The following ZPLD1 variants were observed in gnomAD, a reference collection of about 807,000 sequenced individuals.
ZPLD1 encodes the protein zona pellucida-like domain-containing protein 1.
ZPLD1 carries 34 observed loss-of-function variants against 47.2 expected under a neutral mutation model. The ratio of observed to expected loss-of-function variants is 0.72; its 90% CI spans 0.55 to 0.96. The LOEUF (loss-of-function observed/expected upper bound fraction) is 0.96, where lower values mean the gene tolerates loss of function less well. Ranked by LOEUF, ZPLD1 falls within the 40% of genes least tolerant of loss-of-function variation. The probability of loss-of-function intolerance (pLI) is 0.00; values close to 1 mark genes in which losing one functional copy is unlikely to be tolerated. For synonymous variants in ZPLD1, 176 were observed against 186.2 expected, an observed-to-expected ratio of 0.95 and a Z score of 0.45; for missense variants, 512 against 505.8, an observed-to-expected ratio of 1.01 and a Z score of -0.12.
In ZPLD1 at chr3:102,469,134, C is replaced by T. The variant is rs35230466; in HGVS notation, c.932C>T (p.Pro311Leu). Residue 311 changes from proline to leucine, a missense_variant and splice_region_variant, in exon 9 of 12, where the codon CCG (proline) becomes CTG (leucine). Coordinates refer to ENST00000466937, the MANE Select transcript of ZPLD1 (RefSeq NM_001329788.2). ...CRADDCPFLM[P>L]ICSHRERRDA... ...GCAGATGACTGCCCCTTCCTTATGC[C>T]GGTATGTTTTTAAGGAACTTCATTT... The T allele has an allele frequency of 1.4e-4, 230 of 1,604,970 alleles. No individual in the cohort carries two copies. The highest frequency in any genetic ancestry group is 3.5e-5 in the Admixed American group (2 of 57,832).
intron 3 of ZPLD1, among the ~76,000 whole-genome samples, chr3:102,441,985 T>C (rs1208423927): frequency 6.6e-6 from 1 of 152,150 alleles, no homozygotes; most frequent in Non-Finnish European, 1.5e-5. Context: ...AACAGGGACA[T>C]AAGGCTACCA....
intron 4 of ZPLD1, among the ~76,000 whole-genome samples, chr3:102,453,455 A>G (rs1052937590): frequency 6.6e-6 from 1 of 152,216 alleles, no homozygotes; most frequent in Non-Finnish European, 1.5e-5. Flanking sequence ...AGGCTTTATA[A>G]GAAATATCTG....
At chr3:102,388,429 G>GTCTCTCTCTCTCTCTCTCTCTCTC (rs71781267) in intron 6 of ZPLD1, among the ~76,000 whole-genome samples, 14 of 135,984 alleles carry the variant, frequency 1.0e-4, no homozygotes, top group African/African-American at 3.3e-4. Flanking sequence ...CTCTCCTGGA[G>GTCTCTCTCTCTCTCTCTCTCTCTC]TCTCTCTCTC....
chr3:102,421,812 A>T (rs1327993148), intron 8 of ZPLD1, among the ~76,000 whole-genome samples: 2 of 151,960 alleles, frequency 1.3e-5, no homozygotes, highest in Non-Finnish European at 2.9e-5. Context: ...GACTTAAAAA[A>T]AAACTGAACC....
upstream of ZPLD1, among the ~76,000 whole-genome samples, chr3:102,434,004 G>A (rs1461450545): frequency 6.6e-6 from 1 of 152,026 alleles, no homozygotes; most frequent in Non-Finnish European, 1.5e-5. Flanking sequence ...AATTTTATTT[G>A]AAAACCTCCA....
chr3:102,434,205 G>A (rs965645768), upstream of ZPLD1, among the ~76,000 whole-genome samples: 9 of 152,134 alleles, frequency 5.9e-5, no homozygotes, highest in Non-Finnish European at 1.2e-4. Flanking sequence ...ACAGTGCCTG[G>A]TACATACAGT....
rs776881701 is a variant in ZPLD1, at chr3:102,477,543, C to T, written c.1173C>T (p.Cys391=). The T allele has an allele frequency of 8.1e-6, 13 of 1,613,692 alleles. No homozygotes were observed. In the Admixed American group the frequency reaches 1.0e-4, roughly 12 times the overall value. ...TTACGAGCTTTTCTCTTCTTCTGTG[C>T]TCACTGGCCCTTCTGCACAGGAAGG... ...LGVTSFSLLL[C]SLALLHRKGP... The change falls in exon 12 of 12, where the codon TGC becomes TGT. Residue 391 remains cysteine, a synonymous_variant. Coordinates refer to ENST00000466937, the MANE Select transcript of ZPLD1 (RefSeq NM_001329788.2).
intron 7 of ZPLD1, among the ~76,000 whole-genome samples, chr3:102,395,918 C>G (rs1489184985): frequency 1.3e-5 from 2 of 152,124 alleles, no homozygotes; most frequent in African/African-American, 4.8e-5. Flanking sequence ...ATTCTTCTGA[C>G]TTTCTTCAGG....
intron 3 of ZPLD1, among the ~76,000 whole-genome samples, chr3:102,449,551 G>A (rs1264393343): frequency 6.6e-6 from 1 of 152,198 alleles, no homozygotes; most frequent in Non-Finnish European, 1.5e-5. Context: ...TGCCCAGGAT[G>A]TGAGTCATCC....
rs557640263 is a variant in ZPLD1, at chr3:102,394,830, G to A, written c.-157+2605G>A. 2.0e-5 allele frequency among the ~76,000 whole-genome samples: 3 copies of A among 152,248 alleles called. No homozygotes were observed. The South Asian group carries it at 6.2e-4, about 32-fold the overall frequency. On this transcript the variant is annotated intron_variant, in intron 7 of 17. Transcript: ENST00000491959. ...ACAATATGGAAAGAAATTGAGAGTG[G>A]TGATGTAACCACATCTGATAAATTT...
At chr3:102,438,000 T>G (rs1707117523) in intron 2 of ZPLD1, among the ~76,000 whole-genome samples, 1 of 152,226 alleles carries the variant, frequency 6.6e-6, no homozygotes, top group South Asian at 2.1e-4. Context: ...CTGTTTTCTG[T>G]TAAGGGAAAG....
At position 102,445,949 on chromosome 3, in the gene ZPLD1, G is replaced by A. The variant is rs1031013973; in HGVS notation, c.107-6970G>A. The stretch of plus-strand genomic sequence containing the variant: ...TGAGTTGCATTTTCTCAATTTGAAG[G>A]TAGACATTAAGGATTTTGATGTTCA... On this transcript the variant is annotated intron_variant, in intron 3 of 11. Transcript: ENST00000466937. 2.2e-4 allele frequency among the ~76,000 whole-genome samples: 33 copies of A among 152,074 alleles called. 1 individual carries two copies. Among genetic ancestry groups the A allele is most frequent in the Admixed American group, 6.5e-5 (1 of 15,276 alleles).
In ZPLD1 at chr3:102,477,114, G is replaced by A. The variant is rs1707770152; in HGVS notation, c.1072+73G>A. 8 of 1,535,428 alleles carry A rather than the reference G, an allele frequency of 5.2e-6. No homozygotes were observed. In the South Asian group the frequency reaches 7.9e-5, roughly 15 times the overall value. The stretch of plus-strand genomic sequence containing the variant: ...CAGTTACAAAGCTGTAATCATCTAA[G>A]TGTAATGAGCTTGAGTTTTCCAAGT... On this transcript the variant is annotated intron_variant, in intron 11 of 11. Coordinates refer to ENST00000466937, the MANE Select transcript of ZPLD1 (RefSeq NM_001329788.2).
At chr3:102,421,545 A>T (rs1206638846) in intron 8 of ZPLD1, among the ~76,000 whole-genome samples, 1 of 151,936 alleles carries the variant, frequency 6.6e-6, no homozygotes, top group Non-Finnish European at 1.5e-5. Flanking sequence ...AATTCTAATT[A>T]GAAATCTCTT....
At chr3:102,388,096 G>A (rs1009988074) in intron 6 of ZPLD1, among the ~76,000 whole-genome samples, 6 of 151,878 alleles carry the variant, frequency 4.0e-5, no homozygotes, top group African/African-American at 1.2e-4. Flanking sequence ...TCCTGACCTC[G>A]TGATCCGCCC....
chr3:102,452,906 AT>A lies in ZPLD1; in HGVS notation c.107-8del. ...TCTGACTTATGTTTGTTTTTTATAT[AT>A]TTTTATTTCAGCTGAAAGAGACATC... On this transcript the variant is annotated splice_polypyrimidine_tract_variant and intron_variant, in intron 3 of 11. Coordinates refer to ENST00000466937, the MANE Select transcript of ZPLD1 (RefSeq NM_001329788.2). 2 of 1,610,360 alleles carry A rather than the reference AT, an allele frequency of 1.2e-6. No individual in the cohort carries two copies. Among genetic ancestry groups the A allele is most frequent in the Non-Finnish European group, 1.7e-6 (2 of 1,177,408 alleles).
intron 3 of ZPLD1, among the ~76,000 whole-genome samples, chr3:102,439,355 T>C (rs1483579956): frequency 6.6e-6 from 1 of 152,216 alleles, no homozygotes; most frequent in African/African-American, 2.4e-5. Context: ...CAAACCTGCA[T>C]AGAGCAATCA....
chr3:102,429,691 G>A (rs1220635660), intron 8 of ZPLD1, among the ~76,000 whole-genome samples: 2 of 152,126 alleles, frequency 1.3e-5, no homozygotes, highest in East Asian at 3.8e-4. Context: ...CTTGAGATGT[G>A]TGCTGGAATA....
chr3:102,464,130 G>A, intron 7 of ZPLD1, 41 bp from the exon 8 acceptor site: 1 of 1,434,630 alleles, frequency 7.0e-7, no homozygotes, highest in East Asian at 2.3e-5. Flanking sequence ...TATCCAAAAG[G>A]AAATTCTGAC....
Sources: gnomAD v4.1 joint callset for allele counts (sites outside exome capture counted in the v4.1 genomes callset) on GRCh38, gnomAD v4.1.1 for gene constraint, MANE v1.5 for transcripts, NCBI Gene and HGNC (gene_info 2026-07-23, HGNC 2026-07-21) for gene names.